IL1RAPL2: variants seen among roughly 807,000 people sequenced by gnomAD.
IL1RAPL2 encodes the protein interleukin 1 receptor accessory protein like 2, also known as X-linked interleukin-1 receptor accessory protein-like 2.
In IL1RAPL2, 3 loss-of-function variants were observed where a neutral mutation model predicts 44.1. The ratio of observed to expected loss-of-function variants is 0.07; its 90% CI spans 0.03 to 0.18. The LOEUF (loss-of-function observed/expected upper bound fraction) is 0.18. IL1RAPL2 is among the 10% of genes least tolerant of loss of function. The pLI is 1.00. For synonymous variants in IL1RAPL2, 181 were observed against 178.8 expected, an observed-to-expected ratio of 1.01 and a Z score of -0.10; for missense variants, 391 against 496.4, an observed-to-expected ratio of 0.79 and a Z score of 2.02.
chrX:105,068,072 A>G (rs1206876144), intron 2 of IL1RAPL2, among the ~76,000 whole-genome samples: 1 of 112,235 alleles, frequency 8.9e-6, no homozygotes, highest in Non-Finnish European at 1.9e-5. Context: ...ACATATTATA[A>G]CATGTGAATG....
intron 2 of IL1RAPL2, among the ~76,000 whole-genome samples, chrX:104,718,205 G>C (rs1174278263): frequency 9.0e-6 from 1 of 110,884 alleles, no homozygotes; most frequent in Non-Finnish European, 1.9e-5. Flanking sequence ...GGTTGAACTA[G>C]TTTACAGTCC....
intron 2 of IL1RAPL2, among the ~76,000 whole-genome samples, chrX:105,080,665 T>C (rs1046820807): frequency 1.8e-5 from 2 of 111,838 alleles, no homozygotes; most frequent in Non-Finnish European, 3.8e-5. Context: ...GCCTCAAGCT[T>C]TGTTCTTTTT....
chrX:105,400,162 A>G (rs887530353), intron 5 of IL1RAPL2, among the ~76,000 whole-genome samples: 1 of 111,107 alleles, frequency 9.0e-6, no homozygotes, highest in Non-Finnish European at 1.9e-5. Context: ...ATCCTACAAC[A>G]TTCTTGGTCT....
At chrX:105,737,790 C>T (rs1245509375) in intron 7 of IL1RAPL2, among the ~76,000 whole-genome samples, 6 of 111,241 alleles carry the variant, frequency 5.4e-5, no homozygotes, top group South Asian at 7.5e-4. Context: ...TTACCAACAT[C>T]AGGGAGAAAA....
chrX:105,163,233 C>T (rs1368595720), intron 2 of IL1RAPL2, among the ~76,000 whole-genome samples: 1 of 111,747 alleles, frequency 8.9e-6, no homozygotes, highest in Non-Finnish European at 1.9e-5. Flanking sequence ...AGGCCCTTTA[C>T]AGAAAAAGTT....
At chrX:104,650,306 A>G (rs1260793244) in intron 1 of IL1RAPL2, among the ~76,000 whole-genome samples, 1 of 112,035 alleles carries the variant, frequency 8.9e-6, no homozygotes, top group Non-Finnish European at 1.9e-5. Flanking sequence ...CACTTTCTTC[A>G]CACAGCAGTA....
intron 1 of IL1RAPL2, among the ~76,000 whole-genome samples, chrX:104,653,997 G>T (rs1254082096): frequency 9.1e-6 from 1 of 110,317 alleles, no homozygotes; most frequent in East Asian, 2.9e-4. Context: ...CACCATATAG[G>T]TAACCAATTT....
intron 7 of IL1RAPL2, among the ~76,000 whole-genome samples, chrX:105,735,403 G>A (rs1025426831): frequency 9.0e-6 from 1 of 111,108 alleles, no homozygotes; most frequent in African/African-American, 3.3e-5. Flanking sequence ...AGTTTAAAAT[G>A]TATGTGGTTC....
At chrX:105,237,773 C>A (rs1454635808) in intron 4 of IL1RAPL2, among the ~76,000 whole-genome samples, 1 of 111,195 alleles carries the variant, frequency 9.0e-6, no homozygotes, top group African/African-American at 3.3e-5. Flanking sequence ...CAAAAATTTT[C>A]TCCCATTCTG....
intron 2 of IL1RAPL2, among the ~76,000 whole-genome samples, chrX:104,868,568 A>G (rs776033545): frequency 2.3e-4 from 26 of 112,492 alleles, no homozygotes; most frequent in Non-Finnish European, 4.3e-4. Flanking sequence ...GTCTGACATC[A>G]TGACATCATC....
chrX:105,235,596 C>T (rs782630624), intron 4 of IL1RAPL2, among the ~76,000 whole-genome samples: 2 of 111,649 alleles, frequency 1.8e-5, no homozygotes, highest in African/African-American at 6.5e-5. Flanking sequence ...TGTACTAGAA[C>T]GTCCAGGTCT....
chrX:104,730,945 G>T (rs1254757185), intron 2 of IL1RAPL2, among the ~76,000 whole-genome samples: 1 of 111,106 alleles, frequency 9.0e-6, no homozygotes, highest in African/African-American at 3.3e-5. Context: ...TCTCATTGTG[G>T]TTTTGATTTG....
intron 1 of IL1RAPL2, among the ~76,000 whole-genome samples, chrX:104,570,116 A>G (rs978827198): frequency 9.0e-6 from 1 of 111,650 alleles, no homozygotes; most frequent in African/African-American, 3.3e-5. Flanking sequence ...CTAATAATAT[A>G]TAAAAGAAAA....
At chrX:105,237,547 T>G (rs2034132120) in intron 4 of IL1RAPL2, among the ~76,000 whole-genome samples, 1 of 112,073 alleles carries the variant, frequency 8.9e-6, no homozygotes, top group African/African-American at 3.2e-5. Context: ...CTAACTGGTG[T>G]GAGATGGTAT....
At chrX:104,875,740 C>T (rs1922884849) in intron 2 of IL1RAPL2, among the ~76,000 whole-genome samples, 1 of 111,937 alleles carries the variant, frequency 8.9e-6, no homozygotes, top group Admixed American at 9.5e-5. Context: ...CTCCCATCCA[C>T]CTTACACACA....
At chrX:105,328,596 C>T (rs907033128) in intron 5 of IL1RAPL2, among the ~76,000 whole-genome samples, 6 of 111,532 alleles carry the variant, frequency 5.4e-5, no homozygotes, top group African/African-American at 1.6e-4. Context: ...TTTGGCATTG[C>T]GTTTACCTGC....
At chrX:105,071,415 T>A (rs1247475886) in intron 2 of IL1RAPL2, among the ~76,000 whole-genome samples, 2 of 110,742 alleles carry the variant, frequency 1.8e-5, no homozygotes, top group Non-Finnish European at 3.8e-5. Context: ...AGTTGAAAAA[T>A]TAATATTGTC....
intron 2 of IL1RAPL2, among the ~76,000 whole-genome samples, chrX:105,111,065 T>A (rs183146362): frequency 4.2e-4 from 47 of 112,248 alleles, no homozygotes; most frequent in Non-Finnish European, 8.1e-4. Flanking sequence ...TTACACTGGC[T>A]TTGGAAAAGA....
At chrX:105,306,918 T>G (rs2034741860) in intron 5 of IL1RAPL2, among the ~76,000 whole-genome samples, 1 of 111,370 alleles carries the variant, frequency 9.0e-6, no homozygotes, top group Non-Finnish European at 1.9e-5. Flanking sequence ...GAAAGTAGTT[T>G]AATTAACTCA....
Sources: gnomAD v4.1 joint callset for allele counts (sites outside exome capture counted in the v4.1 genomes callset) on GRCh38, gnomAD v4.1.1 for gene constraint, MANE v1.5 for transcripts, NCBI Gene and HGNC (gene_info 2026-07-23, HGNC 2026-07-21) for gene names.